The following MACROD2 variants were observed in gnomAD, a reference collection of about 807,000 sequenced individuals.
MACROD2 encodes the protein mono-ADP ribosylhydrolase 2.
A neutral mutation model predicts 70.4 loss-of-function variants in MACROD2; 36 were observed. The ratio of observed to expected loss-of-function variants is 0.51; its 90% CI spans 0.39 to 0.68. The LOEUF is 0.68. Among genes scored for constraint, MACROD2 ranks in the 30% least tolerant of loss-of-function variants. MACROD2 has a pLI of 0.00. For missense variants in MACROD2, 496 were observed against 538.4 expected, an observed-to-expected ratio of 0.92 and a Z score of 0.78; for synonymous variants, 172 against 178.8, an observed-to-expected ratio of 0.96 and a Z score of 0.30.
At chr20:14,418,303 G>A (rs928440443) in intron 3 of MACROD2, among the ~76,000 whole-genome samples, 1 of 152,134 alleles carries the variant, frequency 6.6e-6, no homozygotes, top group Non-Finnish European at 1.5e-5. Context: ...ACAAACTAAT[G>A]ATGAAACTAA....
intron 5 of MACROD2, among the ~76,000 whole-genome samples, chr20:14,941,428 GT>G (rs2074388828): frequency 6.6e-6 from 1 of 152,050 alleles, no homozygotes; most frequent in South Asian, 2.1e-4. Flanking sequence ...ACCCAATATG[GT>G]AAGGAAGTTG....
intron 15 of MACROD2, 98 bp from the exon 16 acceptor site, chr20:16,041,103 T>C (rs2067301604): frequency 1.0e-6 from 1 of 1,003,028 alleles, no homozygotes; most frequent in Non-Finnish European, 1.5e-6. Flanking sequence ...AGGAGTATTT[T>C]TGAATTTAAA....
intron 6 of MACROD2, among the ~76,000 whole-genome samples, chr20:15,418,930 C>T (rs2046191718): frequency 6.6e-6 from 1 of 152,116 alleles, no homozygotes; most frequent in Non-Finnish European, 1.5e-5. Context: ...GCTCTGTTTC[C>T]TCTGAGGTTC....
chr20:15,495,184 C>G (rs555043003), intron 7 of MACROD2, among the ~76,000 whole-genome samples: 6 of 152,184 alleles, frequency 3.9e-5, no homozygotes, highest in Non-Finnish European at 8.8e-5. Context: ...CTGAGGAAGG[C>G]CTTTTTCTCT....
At chr20:15,095,912 A>G (rs1378614366) in intron 5 of MACROD2, among the ~76,000 whole-genome samples, 1 of 152,040 alleles carries the variant, frequency 6.6e-6, no homozygotes, top group Non-Finnish European at 1.5e-5. Flanking sequence ...AAAGCAAAAG[A>G]GAGATTAAAA....
At chr20:15,974,240 C>T (rs374153632) in intron 13 of MACROD2, among the ~76,000 whole-genome samples, 3 of 152,104 alleles carry the variant, frequency 2.0e-5, no homozygotes, top group African/African-American at 7.2e-5. Context: ...CAACCTCATT[C>T]CTTTCACCAA....
intron 5 of MACROD2, among the ~76,000 whole-genome samples, chr20:15,098,809 TG>T (rs1485711629): frequency 6.6e-6 from 1 of 152,148 alleles, no homozygotes; most frequent in African/African-American, 2.4e-5. Context: ...GTTTCCCCTT[TG>T]GGGGGAAATC....
chr20:14,525,765 TAAC>T (rs1252891239), intron 4 of MACROD2, among the ~76,000 whole-genome samples: 2 of 152,244 alleles, frequency 1.3e-5, no homozygotes, highest in Admixed American at 1.3e-4. Flanking sequence ...GCACTTAAAG[TAAC>T]TTTTAGGTCA....
intron 8 of MACROD2, among the ~76,000 whole-genome samples, chr20:15,514,428 G>A (rs1393177893): frequency 2.0e-5 from 3 of 152,128 alleles, no homozygotes; most frequent in African/African-American, 7.2e-5. Context: ...AGATACACAA[G>A]TACTTATCAT....
At chr20:14,537,005 A>C (rs2085374485) in intron 4 of MACROD2, among the ~76,000 whole-genome samples, 1 of 152,172 alleles carries the variant, frequency 6.6e-6, no homozygotes, top group African/African-American at 2.4e-5. Context: ...TTAGTCAGAA[A>C]GGGTCAGGGT....
At chr20:14,591,923 C>T (rs914359066) in intron 4 of MACROD2, among the ~76,000 whole-genome samples, 10 of 152,236 alleles carry the variant, frequency 6.6e-5, no homozygotes, top group Admixed American at 6.5e-4. Flanking sequence ...TGCTACAGTA[C>T]TTCCAAGAAG....
intron 8 of MACROD2, among the ~76,000 whole-genome samples, chr20:15,680,802 A>G (rs527784692): frequency 6.6e-6 from 1 of 152,208 alleles, no homozygotes; most frequent in Non-Finnish European, 1.5e-5. Flanking sequence ...ATGAGTGATG[A>G]TATCATAACA....
At chr20:14,594,021 T>G (rs556512444) in intron 4 of MACROD2, among the ~76,000 whole-genome samples, 1 of 152,304 alleles carries the variant, frequency 6.6e-6, no homozygotes, top group South Asian at 2.1e-4. Flanking sequence ...TTTCAGAGAC[T>G]AAGACTCTCA....
chr20:14,754,224 T>C (rs955717547), intron 5 of MACROD2, among the ~76,000 whole-genome samples: 3 of 152,130 alleles, frequency 2.0e-5, no homozygotes, highest in African/African-American at 7.2e-5. Flanking sequence ...GAGATGGACA[T>C]AGTCTCCACC....
intron 4 of MACROD2, among the ~76,000 whole-genome samples, chr20:14,639,660 G>C (rs1437564049): frequency 1.3e-5 from 2 of 152,088 alleles, no homozygotes; most frequent in Non-Finnish European, 2.9e-5. Context: ...AAGTCTACAG[G>C]CTTCTCTAAT....
At chr20:15,081,729 A>G (rs941795116) in intron 5 of MACROD2, among the ~76,000 whole-genome samples, 7 of 152,168 alleles carry the variant, frequency 4.6e-5, no homozygotes, top group South Asian at 2.1e-4. Context: ...TGTTTTCTAC[A>G]TGGACCTTCC....
At chr20:14,795,114 G>C (rs1044247733) in intron 5 of MACROD2, among the ~76,000 whole-genome samples, 1 of 152,052 alleles carries the variant, frequency 6.6e-6, no homozygotes, top group African/African-American at 2.4e-5. Flanking sequence ...GAGAGAATGA[G>C]TTTGAAGGGA....
rs926429773 is a variant in MACROD2 at position 14,326,130 on chromosome 20, C to T, written c.272-167349C>T. On this transcript the variant is annotated intron_variant, in intron 3 of 17. Coordinates refer to ENST00000684519, the MANE Select transcript of MACROD2 (RefSeq NM_001351661.2). The surrounding 1 kb of genome is among the most constrained non-coding windows in gnomAD (Gnocchi z 5.5). ...CTGTGACCAAGTACTCACTGCGTTC[C>T]CCTGTTACAATTGTTTCTGTTATAG... is the stretch of plus-strand genomic sequence containing the variant. 3 of 1,613,800 alleles carry T rather than the reference C, an allele frequency of 1.9e-6. No homozygotes were observed. Among genetic ancestry groups the T allele is most frequent in the African/African-American group, 1.3e-5 (1 of 75,002 alleles).
At chr20:15,600,928 G>A (rs922176687) in intron 8 of MACROD2, among the ~76,000 whole-genome samples, 1 of 152,154 alleles carries the variant, frequency 6.6e-6, no homozygotes, top group Admixed American at 6.5e-5. Context: ...TCTTACAACT[G>A]AATATCCTTC....
Sources: allele counts gnomAD v4.1 joint callset (sites outside exome capture counted in the v4.1 genomes callset), GRCh38; gene constraint gnomAD v4.1.1; non-coding constraint Gnocchi (gnomAD v3.1); transcripts MANE v1.5; gene names NCBI Gene and HGNC (gene_info 2026-07-23, HGNC 2026-07-21).